GRIP1: variants seen among roughly 807,000 people sequenced by gnomAD.
The protein encoded by GRIP1 is glutamate receptor interacting protein 1, also known as glutamate receptor-interacting protein 1.
Under a neutral mutation model 129.9 loss-of-function variants are expected in GRIP1, and 45 were observed. That is an observed-to-expected ratio of 0.35 (90% CI 0.27 to 0.44). The LOEUF (loss-of-function observed/expected upper bound fraction) is 0.44. Ranked by LOEUF, GRIP1 falls within the 20% of genes least tolerant of loss-of-function variation. GRIP1 has a pLI of 1.00. For missense variants in GRIP1, 1,196 were observed against 1,396.8 expected, an observed-to-expected ratio of 0.86 and a Z score of 2.29; for synonymous variants, 530 against 520.8, an observed-to-expected ratio of 1.02 and a Z score of -0.24.
At position 66,822,579 on chromosome 12, in the gene GRIP1, T is replaced by C. The variant is rs115103198; in HGVS notation, c.59-225652A>G. On this transcript the variant is annotated intron_variant, in intron 1 of 1. Transcript: ENST00000643019. ...TGTTTGTCACAGCACTTATTAACAA[T>C]AGCAAAGACATGGAATCAACCTAGG... Among the ~76,000 whole-genome samples the C allele has an allele frequency of 1.1e-3, 166 of 152,194 alleles. 1 individual carries two copies. The highest frequency in any genetic ancestry group is 3.8e-3 in the African/African-American group (158 of 41,534).
At chr12:66,551,939 G>C (rs1274423589) in intron 2 of GRIP1, among the ~76,000 whole-genome samples, 3 of 152,106 alleles carry the variant, frequency 2.0e-5, no homozygotes, top group African/African-American at 7.2e-5. Flanking sequence ...CTACTGTGCG[G>C]GGATTAGAAT....
intron 23 of GRIP1, among the ~76,000 whole-genome samples, chr12:66,363,387 C>T (rs1032381658): frequency 1.4e-5 from 2 of 147,976 alleles, no homozygotes; most frequent in Admixed American, 1.3e-4. Context: ...ACCACAGGTG[C>T]GTGCCACCAC....
chr12:66,416,139 C>A (rs2057593708), intron 15 of GRIP1, among the ~76,000 whole-genome samples: 1 of 150,018 alleles, frequency 6.7e-6, no homozygotes, highest in Non-Finnish European at 1.5e-5. Context: ...GGAAATGAAA[C>A]AACCTGCTTC....
At chr12:66,712,537 A>G (rs2035744432) in intron 1 of GRIP1, among the ~76,000 whole-genome samples, 1 of 152,022 alleles carries the variant, frequency 6.6e-6, no homozygotes, top group Non-Finnish European at 1.5e-5. Flanking sequence ...ACACACATCT[A>G]TATTAAATTT....
At chr12:66,978,341 TA>T (rs1423351423) in intron 1 of GRIP1, among the ~76,000 whole-genome samples, 1 of 152,196 alleles carries the variant, frequency 6.6e-6, no homozygotes, top group Non-Finnish European at 1.5e-5. Context: ...AACTTTGACT[TA>T]AAAGCACTTC....
chr12:66,975,097 G>A (rs973358806), intron 1 of GRIP1, among the ~76,000 whole-genome samples: 8 of 152,094 alleles, frequency 5.3e-5, no homozygotes, highest in African/African-American at 1.9e-4. Flanking sequence ...GTCACCTCCA[G>A]GGATAGGTAT....
intron 1 of GRIP1, among the ~76,000 whole-genome samples, chr12:66,854,098 T>C (rs1463967842): frequency 1.3e-5 from 2 of 151,900 alleles, no homozygotes; most frequent in Non-Finnish European, 2.9e-5. Flanking sequence ...TGTTAAACAC[T>C]AGGAATATAA....
chr12:66,430,413 T>G (rs1268054588), intron 14 of GRIP1, among the ~76,000 whole-genome samples: 5 of 152,218 alleles, frequency 3.3e-5, no homozygotes, highest in Non-Finnish European at 7.3e-5. Flanking sequence ...CTTCCATGAA[T>G]GCGTTTGCTT....
At chr12:66,990,812 T>G (rs975517090) in intron 1 of GRIP1, among the ~76,000 whole-genome samples, 2 of 151,954 alleles carry the variant, frequency 1.3e-5, no homozygotes, top group African/African-American at 4.8e-5. Flanking sequence ...CTGACCAACA[T>G]GGAGGAACCC....
intron 2 of GRIP1, among the ~76,000 whole-genome samples, chr12:66,542,546 C>A (rs1371550391): frequency 6.6e-6 from 1 of 152,106 alleles, no homozygotes; most frequent in South Asian, 2.1e-4. Flanking sequence ...CAGGATTGAT[C>A]CTCAGAATTT....
intron 1 of GRIP1, among the ~76,000 whole-genome samples, chr12:66,931,582 G>A (rs972014553): frequency 1.3e-5 from 2 of 152,098 alleles, no homozygotes; most frequent in Admixed American, 1.3e-4. Context: ...AAAATAATAG[G>A]CATTATTGCC....
chr12:66,565,935 T>C (rs1246398163), intron 2 of GRIP1, among the ~76,000 whole-genome samples: 1 of 152,310 alleles, frequency 6.6e-6, no homozygotes, highest in East Asian at 1.9e-4. Flanking sequence ...CTGTTACTGG[T>C]GTATAGGAAT....
At chr12:66,525,987 C>T (rs2061220860) in intron 5 of GRIP1, among the ~76,000 whole-genome samples, 1 of 151,990 alleles carries the variant, frequency 6.6e-6, no homozygotes, top group Non-Finnish European at 1.5e-5. Flanking sequence ...TTGTGAAGGA[C>T]CTCTTCAAGG....
chr12:66,501,972 A>AAG (rs1215762542), intron 7 of GRIP1, among the ~76,000 whole-genome samples: 2 of 152,196 alleles, frequency 1.3e-5, no homozygotes, highest in Admixed American at 1.3e-4. Context: ...TGTGATTAAC[A>AAG]AGAGAAATGA....
chr12:66,848,714 C>A (rs2039860961), intron 1 of GRIP1, among the ~76,000 whole-genome samples: 1 of 152,142 alleles, frequency 6.6e-6, no homozygotes, highest in Non-Finnish European at 1.5e-5. Context: ...TTTTAAAATT[C>A]ATTTCAAAGG....
intron 1 of GRIP1, among the ~76,000 whole-genome samples, chr12:66,834,579 T>C (rs1208371717): frequency 6.6e-6 from 1 of 152,180 alleles, no homozygotes; most frequent in African/African-American, 2.4e-5. Context: ...AGCCAATATG[T>C]TATCATTTTC....
chr12:66,812,676 C>T (rs12820685), intron 1 of GRIP1, among the ~76,000 whole-genome samples: 34,227 of 152,102 alleles, frequency 0.23, 4,438 homozygotes, highest in Non-Finnish European at 0.3. Flanking sequence ...GTCTACAGCT[C>T]TAAGGATTCA....
chr12:66,371,844 G>C lies in GRIP1; in HGVS notation c.2862C>G (p.Phe954Leu). The change falls in exon 23 of 25, where the codon TTC (phenylalanine) becomes TTG (leucine). Residue 954 changes from phenylalanine (F) to leucine (L), a missense_variant. By Grantham distance (22) the Phe-to-Leu change is conservative. Transcript: ENST00000359742. ...PRSQLGRQAS[F>L]QERSSSRPHY... ...GCGGCCGCGAGCTGCTGCGCTCCTGGAAGCTGGCCTGTCGCCCCAGCTGAC... is the reference window on the plus strand; with the variant it reads ...GCGGCCGCGAGCTGCTGCGCTCCTGCAAGCTGGCCTGTCGCCCCAGCTGAC... The C allele has an allele frequency of 6.2e-7, 1 of 1,613,900 alleles. No individual in the cohort carries two copies. Among genetic ancestry groups the C allele is most frequent in the Non-Finnish European group, 8.5e-7 (1 of 1,179,946 alleles).
At chr12:66,599,867 CTA>C (rs1281326620) in intron 1 of GRIP1, among the ~76,000 whole-genome samples, 1 of 152,172 alleles carries the variant, frequency 6.6e-6, no homozygotes, top group African/African-American at 2.4e-5. Flanking sequence ...TAAATTGAGT[CTA>C]GATGAAATTT....
Sources: gnomAD v4.1 joint callset for allele counts (sites outside exome capture counted in the v4.1 genomes callset) on GRCh38, gnomAD v4.1.1 for gene constraint, MANE v1.5 for transcripts, NCBI Gene and HGNC (gene_info 2026-07-23, HGNC 2026-07-21) for gene names.